PPP4R1: variants seen among roughly 807,000 people sequenced by gnomAD.
The protein encoded by PPP4R1 is protein phosphatase 4 regulatory subunit 1.
Under a neutral mutation model 111.2 loss-of-function variants are expected in PPP4R1, and 42 were observed. The ratio of observed to expected loss-of-function variants is 0.38; its 90% confidence interval spans 0.29 to 0.49. PPP4R1 has a LOEUF of 0.49. Among genes scored for constraint, PPP4R1 ranks in the 20% least tolerant of loss-of-function variants. PPP4R1 has a pLI of 0.97. For synonymous variants in PPP4R1, 409 were observed against 405.5 expected (o/e 1.01, Z -0.10); for missense variants, 1,012 against 1,161.6 (o/e 0.87, Z 1.87).
At chr18:9,602,958 T>C (rs1353756563) in intron 2 of PPP4R1, among the ~76,000 whole-genome samples, 1 of 152,220 alleles carries the variant, frequency 6.6e-6, no homozygotes, top group African/African-American at 2.4e-5. Flanking sequence ...TATAAAATAA[T>C]GGTTAAGACT....
In PPP4R1 at chr18:9,547,701, C is replaced by A. The variant is rs754302922; in HGVS notation, c.*88G>T. 2.0e-6 allele frequency: 3 copies of A among 1,508,754 alleles called. No homozygotes were observed. Among genetic ancestry groups the A allele is most frequent in the Non-Finnish European group, 2.7e-6 (3 of 1,101,506 alleles). 93.5% of individuals were successfully genotyped at this position (1,508,754 alleles called of 1,614,324 possible). A position where few individuals can be genotyped will look rare whatever the true frequency, so the allele number is the denominator to read the frequency against. Reference sequence around the variant, plus strand: ...CAGGAGAGGAAGGTCTCTCCTCCCCCGAAAGCTATCCCAGGTCACATGCGT... The same window carrying A: ...CAGGAGAGGAAGGTCTCTCCTCCCCAGAAAGCTATCCCAGGTCACATGCGT... On this transcript the variant is annotated 3_prime_UTR_variant, in exon 20 of 20. Transcript: ENST00000400556.
At chr18:9,553,515 T>C in intron 15 of PPP4R1, 93 bp from the exon 16 acceptor site, 1 of 770,690 alleles carries the variant, frequency 1.3e-6, no homozygotes, top group South Asian at 1.7e-5. Context: ...AGCAATATGG[T>C]TAATTCTTCT....
At chr18:9,554,864 A>T (rs911170402) in intron 15 of PPP4R1, among the ~76,000 whole-genome samples, 2 of 152,252 alleles carry the variant, frequency 1.3e-5, no homozygotes, top group Non-Finnish European at 2.9e-5. Flanking sequence ...GTCAAATTTG[A>T]TGCTCAAAAC....
intron 10 of PPP4R1, among the ~76,000 whole-genome samples, 157 bp downstream of exon 10, chr18:9,576,902 TTAAAG>T (rs10616192): frequency 0.35 from 53,529 of 151,682 alleles, 10,171 homozygotes; most frequent in East Asian, 0.54. Context: ...ACAAATGCGC[TTAAAG>T]TAAAGCTCTA....
chr18:9,562,914 G>A, intron 12 of PPP4R1: 1 of 991,210 alleles, frequency 1.0e-6, no homozygotes, highest in Non-Finnish European at 1.2e-6. Context: ...GCTAGGATCA[G>A]TACCCACCCT....
At position 9,583,166 on chromosome 18, in the gene PPP4R1, G is replaced by T; in HGVS notation, c.869C>A (p.Thr290Asn). Residue 290 changes from threonine (T) to asparagine (N), a missense_variant, in exon 9 of 20, where the codon ACC (threonine) becomes AAC (asparagine). Physicochemically the swap from Thr to Asn is moderately conservative, Grantham distance 65 (BLOSUM62 0). Coordinates refer to ENST00000400556, the MANE Select transcript of PPP4R1 (RefSeq NM_001042388.3). ...ATTAATAAAAAGTGCTGATAATTTG[G>T]TCCGTCGGATTTCTTGACATGTTGC... is the stretch of plus-strand genomic sequence containing the variant. ...SCATCQEIRR[T>N]KLSALFINLI... is the part of the protein sequence containing the mutation. The T allele has an allele frequency of 1.9e-6, 3 of 1,611,940 alleles. No homozygotes were observed. The highest frequency in any genetic ancestry group is 2.5e-6 in the Non-Finnish European group (3 of 1,178,504).
intron 15 of PPP4R1, among the ~76,000 whole-genome samples, chr18:9,555,629 C>G (rs1452933083): frequency 6.6e-6 from 1 of 152,128 alleles, no homozygotes; most frequent in Non-Finnish European, 1.5e-5. Context: ...CACAGGTTAA[C>G]ATGTCTGCAA....
chr18:9,612,280 T>C (rs1024284700), intron 2 of PPP4R1, among the ~76,000 whole-genome samples: 3 of 152,164 alleles, frequency 2.0e-5, no homozygotes, highest in South Asian at 2.1e-4. Context: ...AACTGAGGCA[T>C]AGGGAGGTTA....
chr18:9,594,035 C>T, intron 3 of PPP4R1, 161 bp from the exon 4 acceptor site: 1 of 573,264 alleles, frequency 1.7e-6, no homozygotes, highest in South Asian at 1.9e-5. Context: ...TCAGGTAATC[C>T]TCCCACCTCA....
At chr18:9,581,509 G>C (rs1055687888) in intron 9 of PPP4R1, among the ~76,000 whole-genome samples, 2 of 151,786 alleles carry the variant, frequency 1.3e-5, no homozygotes, top group Non-Finnish European at 2.9e-5. Flanking sequence ...TAGATCAATA[G>C]AGATTATGCA....
chr18:9,584,876 CT>C, intron 6 of PPP4R1, 48 bp from the exon 7 acceptor site: 1 of 1,378,166 alleles, frequency 7.3e-7, no homozygotes. Context: ...AAGTAAGCCT[CT>C]TTCAGTTAAA....
At chr18:9,552,737 C>T (rs1170702405) in intron 16 of PPP4R1, among the ~76,000 whole-genome samples, 1 of 152,090 alleles carries the variant, frequency 6.6e-6, no homozygotes, top group Non-Finnish European at 1.5e-5. Flanking sequence ...CACAAAAGAC[C>T]ACACCCCCAA....
At position 9,614,543 on chromosome 18, in the gene PPP4R1, C is replaced by G; in HGVS notation, c.-59G>C. 1.0e-6 allele frequency: 1 copy of G among 998,746 alleles called. No homozygotes were observed. The highest frequency in any genetic ancestry group is 1.2e-6 in the Non-Finnish European group (1 of 839,368). The allele number at this position is 998,746 out of a possible 1,614,324, so 61.9% of individuals were successfully genotyped here. A position where few individuals can be genotyped will look rare whatever the true frequency, so the allele number is the denominator to read the frequency against. ...GGAGCCGGGGCTACATGGAGCGGCG[C>G]GAGCCGGGGAGCCGGTGGACGCGCG... On this transcript the variant is annotated 5_prime_UTR_variant, in exon 1 of 20. Transcript: ENST00000400556. The surrounding 1 kb of genome is among the most constrained non-coding windows in gnomAD (Gnocchi z 4.1).
chr18:9,591,246 C>A (rs955581221), intron 4 of PPP4R1, among the ~76,000 whole-genome samples: 1 of 151,688 alleles, frequency 6.6e-6, no homozygotes, highest in Non-Finnish European at 1.5e-5. Context: ...ACTCGAGAGG[C>A]TGAGGCAGAA....
chr18:9,573,647 G>A (rs563316323), intron 10 of PPP4R1, among the ~76,000 whole-genome samples: 2 of 152,134 alleles, frequency 1.3e-5, no homozygotes, highest in Admixed American at 6.5e-5. Context: ...GCCCAGGCTG[G>A]TGTAAAGTGG....
intron 2 of PPP4R1, among the ~76,000 whole-genome samples, chr18:9,601,930 T>C (rs138971047): frequency 6.6e-6 from 1 of 152,320 alleles, no homozygotes; most frequent in Admixed American, 6.5e-5. Flanking sequence ...TATAACCTTC[T>C]AGTTCCAAAT....
Position 9,602,236 on chromosome 18 carries a change from A to C in PPP4R1, c.53-7083T>G, listed in dbSNP as rs77875045. On this transcript the variant is annotated intron_variant, in intron 2 of 19. Transcript: ENST00000400556. ...TAAGAAAAAGTGCCTAAAATGTAAT[A>C]GTTTAAAAGTTGTGGCCAGGCGCGG... Among the ~76,000 whole-genome samples, 1,244 of 152,072 alleles carry C rather than the reference A, an allele frequency of 8.2e-3. 18 individuals carry two copies. Among genetic ancestry groups the C allele is most frequent in the African/African-American group, 0.028 (1,173 of 41,466 alleles).
At chr18:9,601,354 T>C (rs1033796908) in intron 2 of PPP4R1, among the ~76,000 whole-genome samples, 1 of 151,804 alleles carries the variant, frequency 6.6e-6, no homozygotes, top group Non-Finnish European at 1.5e-5. Flanking sequence ...TAAAACCCCT[T>C]CTCTACTAAA....
intron 10 of PPP4R1, among the ~76,000 whole-genome samples, chr18:9,572,644 G>C (rs992162520): frequency 6.6e-6 from 1 of 152,096 alleles, no homozygotes; most frequent in Non-Finnish European, 1.5e-5. Flanking sequence ...GCAAAAGGAG[G>C]GTGATGTTAA....
Sources: allele counts gnomAD v4.1 joint callset (sites outside exome capture counted in the v4.1 genomes callset), GRCh38; gene constraint gnomAD v4.1.1; non-coding constraint Gnocchi (gnomAD v3.1); transcripts MANE v1.5; gene names NCBI Gene and HGNC (gene_info 2026-07-23, HGNC 2026-07-21).